TEX9: variants seen among roughly 807,000 people sequenced by gnomAD.
TEX9 encodes the protein testis-expressed protein 9.
TEX9 carries 74 observed loss-of-function variants against 59.6 expected under a neutral mutation model. The ratio of observed to expected loss-of-function variants is 1.24; its 90% CI spans 1.03 to 1.51. TEX9 has a LOEUF of 1.51. Among genes scored for constraint, TEX9 ranks in the 40% most tolerant of loss-of-function variants. The pLI is 0.00. For synonymous variants in TEX9, 186 were observed against 152.2 expected (o/e 1.22, Z -1.64); for missense variants, 522 against 447.8 (o/e 1.17, Z -1.49).
At position 56,428,326 on chromosome 15, in the gene TEX9, C is replaced by G. The variant is rs368001296; in HGVS notation, c.1099-41C>G. On this transcript the variant is annotated intron_variant, in intron 11 of 12. Transcript: ENST00000352903. Reference sequence around the variant, plus strand: ...ACTTCCTGTTGTTTGGTGGCCTACTCTTAATACTAAATCAGACAATATTGA... The same window carrying G: ...ACTTCCTGTTGTTTGGTGGCCTACTGTTAATACTAAATCAGACAATATTGA... The G allele has an allele frequency of 3.9e-4, 589 of 1,493,078 alleles. 2 individuals are homozygous for G. Among genetic ancestry groups the G allele is most frequent in the Middle Eastern group, 2.3e-3 (13 of 5,770 alleles). The allele number at this position is 1,493,078 out of a possible 1,614,324, so 92.5% of individuals were successfully genotyped here.
chr15:56,454,313 T>C, the TEX9 span, among the ~76,000 whole-genome samples: 4 of 152,192 alleles, frequency 2.6e-5, no homozygotes, highest in Non-Finnish European at 5.9e-5. Flanking sequence ...TCATGGAAAA[T>C]GGGGTATCCA....
At chr15:56,376,388 C>G (rs755747887) in intron 3 of TEX9, among the ~76,000 whole-genome samples, 13 of 152,070 alleles carry the variant, frequency 8.5e-5, no homozygotes, top group Non-Finnish European at 1.6e-4. Flanking sequence ...CTAGGGTTCC[C>G]TTTCTCTACA....
intron 1 of TEX9, among the ~76,000 whole-genome samples, chr15:56,250,846 C>A (rs1480057741): frequency 6.6e-6 from 1 of 152,090 alleles, no homozygotes; most frequent in East Asian, 1.9e-4. Flanking sequence ...TTAGGATAAT[C>A]TACTTAAGTC....
chr15:56,389,258 G>T, intron 5 of TEX9, 60 bp from the exon 6 acceptor site: 1 of 1,342,278 alleles, frequency 7.5e-7, no homozygotes, highest in Non-Finnish European at 1.1e-6. Context: ...TTACAGAATT[G>T]CTTTCTTTGG....
chr15:56,458,154 G>T, the TEX9 span, among the ~76,000 whole-genome samples: 426 of 152,128 alleles, frequency 2.8e-3, 1 homozygote, highest in African/African-American at 9.8e-3. Context: ...TAACATTCTT[G>T]GTACATGTTA....
chr15:56,384,538 C>T (rs1324517932), intron 4 of TEX9, among the ~76,000 whole-genome samples: 2 of 152,148 alleles, frequency 1.3e-5, no homozygotes, highest in South Asian at 2.1e-4. Flanking sequence ...GATCTTTCTT[C>T]GTCACTACTG....
intron 1 of TEX9, among the ~76,000 whole-genome samples, chr15:56,319,773 G>T (rs1407377412): frequency 6.6e-6 from 1 of 152,168 alleles, no homozygotes; most frequent in East Asian, 1.9e-4. Context: ...ATGAGCCAGT[G>T]TTATGGCCAA....
chr15:56,439,290 A>T (rs1226698434), intron 12 of TEX9, among the ~76,000 whole-genome samples: 6 of 152,212 alleles, frequency 3.9e-5, no homozygotes, highest in African/African-American at 1.4e-4. Flanking sequence ...AGGGAGAGCC[A>T]AATTGTGTTC....
At chr15:56,252,078 C>G (rs868392155) in intron 1 of TEX9, among the ~76,000 whole-genome samples, 1 of 152,136 alleles carries the variant, frequency 6.6e-6, no homozygotes, top group African/African-American at 2.4e-5. Context: ...TGCATCCTCT[C>G]AGCAGTTTTC....
At chr15:56,424,555 C>G (rs1376641559) in intron 10 of TEX9, among the ~76,000 whole-genome samples, 1 of 152,106 alleles carries the variant, frequency 6.6e-6, no homozygotes, top group Non-Finnish European at 1.5e-5. Context: ...CTTTTACCCT[C>G]TCATTTCCTT....
chr15:56,410,667 T>C (rs115402961), intron 9 of TEX9, among the ~76,000 whole-genome samples: 1,699 of 152,292 alleles, frequency 0.011, 27 homozygotes, highest in African/African-American at 0.039. Flanking sequence ...GAGGGCAGTA[T>C]TGATTCAGGG....
At chr15:56,355,827 A>G (rs548549658) in intron 1 of TEX9, among the ~76,000 whole-genome samples, 1 of 152,240 alleles carries the variant, frequency 6.6e-6, no homozygotes, top group South Asian at 2.1e-4. Flanking sequence ...ATTTGTAAAT[A>G]GTACTGCATG....
chr15:56,337,974 C>A (rs1262495720), intron 1 of TEX9, among the ~76,000 whole-genome samples: 1 of 152,192 alleles, frequency 6.6e-6, no homozygotes, highest in Non-Finnish European at 1.5e-5. Context: ...TGAGCTACAT[C>A]CTAAATGGTT....
intron 9 of TEX9, chr15:56,398,216 G>T (rs1215338878): frequency 1.3e-5 from 2 of 152,112 alleles, no homozygotes; most frequent in African/African-American, 4.8e-5. Flanking sequence ...ATGTAAAACA[G>T]AATGAAGAAT....
exon 10 of TEX9, chr15:56,412,340 A>G: frequency 6.2e-7 from 1 of 1,613,338 alleles, no homozygotes; most frequent in Non-Finnish European, 8.5e-7. Flanking sequence ...AACAGGCTGC[A>G]AGTAGTCAAA....
intron 1 of TEX9, among the ~76,000 whole-genome samples, chr15:56,289,918 G>T (rs1021996779): frequency 4.6e-5 from 7 of 152,244 alleles, no homozygotes; most frequent in African/African-American, 1.7e-4. Flanking sequence ...CATGCTCGGA[G>T]TTACAAAGTC....
intron 10 of TEX9, among the ~76,000 whole-genome samples, chr15:56,413,053 A>T (rs1221375847): frequency 6.6e-6 from 1 of 151,986 alleles, no homozygotes; most frequent in Non-Finnish European, 1.5e-5. Context: ...CTGTTGAATA[A>T]ATGAAAGTTC....
intron 1 of TEX9, among the ~76,000 whole-genome samples, chr15:56,351,204 G>A (rs1397559443): frequency 1.3e-5 from 2 of 152,136 alleles, no homozygotes; most frequent in African/African-American, 4.8e-5. Context: ...CACAAGAAAT[G>A]TGTAGATCCA....
At chr15:56,368,800 T>C (rs1472210351) in intron 2 of TEX9, among the ~76,000 whole-genome samples, 1 of 152,124 alleles carries the variant, frequency 6.6e-6, no homozygotes, top group Non-Finnish European at 1.5e-5. Context: ...GTCTTTTTCT[T>C]TTTCTATCAA....
Sources: gnomAD v4.1 joint callset for allele counts (sites outside exome capture counted in the v4.1 genomes callset) on GRCh38, gnomAD v4.1.1 for gene constraint, MANE v1.5 for transcripts, NCBI Gene and HGNC (gene_info 2026-07-23, HGNC 2026-07-21) for gene names.